Variants in MAGI1 observed in about 807,000 individuals in gnomAD.
MAGI1 encodes the protein membrane-associated guanylate kinase, WW and PDZ domain-containing protein 1.
In MAGI1, 58 loss-of-function variants were observed where a neutral mutation model predicts 139.9. The ratio of observed to expected loss-of-function variants is 0.41; its 90% CI spans 0.34 to 0.52. MAGI1 has a LOEUF of 0.52. MAGI1 is among the 20% of genes least tolerant of loss of function. The probability of loss-of-function intolerance (pLI) is 0.12; values close to 1 mark genes in which losing one functional copy is unlikely to be tolerated. For synonymous variants in MAGI1, 812 were observed against 737.9 expected (o/e 1.10, Z -1.63); for missense variants, 1,874 against 1,901.6 (o/e 0.99, Z 0.27).
intron 1 of MAGI1, among the ~76,000 whole-genome samples, chr3:65,729,307 A>G (rs1304316803): frequency 6.6e-6 from 1 of 152,228 alleles, no homozygotes; most frequent in Non-Finnish European, 1.5e-5. Context: ...AACAAACTAT[A>G]TTCATTTAAA....
At chr3:65,555,141 G>A (rs896032016) in intron 2 of MAGI1, among the ~76,000 whole-genome samples, 17 of 152,066 alleles carry the variant, frequency 1.1e-4, no homozygotes, top group South Asian at 2.1e-4. Flanking sequence ...AAATTATTTC[G>A]AAATTAAAAG....
chr3:65,530,818 TAC>T (rs2078668873), intron 2 of MAGI1, among the ~76,000 whole-genome samples: 1 of 59,618 alleles, frequency 1.7e-5, no homozygotes, highest in Non-Finnish European at 3.3e-5. Context: ...CACATATATA[TAC>T]ACGTATATAT....
chr3:65,655,337 G>C (rs1384843843), intron 1 of MAGI1, among the ~76,000 whole-genome samples: 1 of 151,972 alleles, frequency 6.6e-6, no homozygotes, highest in Non-Finnish European at 1.5e-5. Context: ...TAATTAAAAG[G>C]AAAAAAATCT....
intron 1 of MAGI1, among the ~76,000 whole-genome samples, chr3:65,810,847 C>T (rs1429380855): frequency 6.6e-6 from 1 of 152,216 alleles, no homozygotes; most frequent in Non-Finnish European, 1.5e-5. Flanking sequence ...TTTGTGGACA[C>T]ATTTAGCTCT....
intron 1 of MAGI1, among the ~76,000 whole-genome samples, chr3:65,704,038 TCA>T (rs2089792612): frequency 6.6e-6 from 1 of 152,112 alleles, no homozygotes; most frequent in Non-Finnish European, 1.5e-5. Context: ...TTTAAGGGTC[TCA>T]GTTAATGAAG....
At chr3:65,990,378 G>A (rs753348774) in intron 1 of MAGI1, among the ~76,000 whole-genome samples, 6 of 152,192 alleles carry the variant, frequency 3.9e-5, no homozygotes, top group Admixed American at 1.3e-4. Context: ...GTTCCCTAAC[G>A]GAAGATTTAC....
chr3:66,030,316 G>A (rs777014196), intron 1 of MAGI1, among the ~76,000 whole-genome samples: 9 of 152,140 alleles, frequency 5.9e-5, no homozygotes, highest in Admixed American at 2.6e-4. Context: ...TACATTTTCA[G>A]AGGTAACTGA....
intron 12 of MAGI1, among the ~76,000 whole-genome samples, chr3:65,406,993 C>T (rs1467228242): frequency 2.6e-5 from 4 of 152,062 alleles, no homozygotes; most frequent in Admixed American, 2.0e-4. Flanking sequence ...CTCTGTTATT[C>T]GAAAACCTAT....
intron 1 of MAGI1, among the ~76,000 whole-genome samples, chr3:65,931,733 G>A (rs17441629): frequency 0.058 from 8,800 of 152,162 alleles, 367 homozygotes; most frequent in Middle Eastern, 0.1. Flanking sequence ...TAAAAAAACA[G>A]TTCCGCTATT....
intron 2 of MAGI1, among the ~76,000 whole-genome samples, chr3:65,578,176 T>C (rs1410419336): frequency 6.6e-6 from 1 of 152,150 alleles, no homozygotes; most frequent in African/African-American, 2.4e-5. Flanking sequence ...ATGTATTCCT[T>C]TTGCTTTCCC....
intron 1 of MAGI1, among the ~76,000 whole-genome samples, chr3:65,755,714 A>C (rs2036514733): frequency 6.6e-6 from 1 of 152,220 alleles, no homozygotes; most frequent in African/African-American, 2.4e-5. Context: ...TAATGAAACT[A>C]ACTTACCCAC....
intron 5 of MAGI1, among the ~76,000 whole-genome samples, chr3:65,458,575 C>A (rs1476520452): frequency 6.6e-6 from 1 of 152,042 alleles, no homozygotes; most frequent in African/African-American, 2.4e-5. Flanking sequence ...TGTTGAGCAC[C>A]TTTTCACATA....
At chr3:65,908,029 C>G (rs572710941) in intron 1 of MAGI1, among the ~76,000 whole-genome samples, 1 of 152,070 alleles carries the variant, frequency 6.6e-6, no homozygotes, top group Non-Finnish European at 1.5e-5. Flanking sequence ...AAATACCACA[C>G]GAACACAACT....
At chr3:66,007,325 T>G (rs888656698) in intron 1 of MAGI1, among the ~76,000 whole-genome samples, 1 of 152,244 alleles carries the variant, frequency 6.6e-6, no homozygotes, top group South Asian at 2.1e-4. Context: ...AATGACACAC[T>G]GTCTCTTTTC....
chr3:65,434,712 A>G (rs967014471), intron 10 of MAGI1, among the ~76,000 whole-genome samples: 2 of 152,192 alleles, frequency 1.3e-5, no homozygotes, highest in Non-Finnish European at 2.9e-5. Context: ...GTTTATTGAA[A>G]TCACAGCTTG....
At chr3:65,946,909 T>C (rs1204309965) in intron 1 of MAGI1, among the ~76,000 whole-genome samples, 1 of 152,200 alleles carries the variant, frequency 6.6e-6, no homozygotes, top group Non-Finnish European at 1.5e-5. Flanking sequence ...AAGCACACTT[T>C]TGAACTAAAA....
At chr3:65,657,421 C>A (rs2085939033) in intron 1 of MAGI1, among the ~76,000 whole-genome samples, 1 of 140,624 alleles carries the variant, frequency 7.1e-6, no homozygotes. Flanking sequence ...ACAGTGAGAC[C>A]CCCATCTCTA....
At chr3:65,735,539 C>G (rs766129619) in intron 1 of MAGI1, among the ~76,000 whole-genome samples, 27 of 152,126 alleles carry the variant, frequency 1.8e-4, no homozygotes, top group Non-Finnish European at 3.5e-4. Context: ...AATCTGAAGC[C>G]TCCACAGATG....
chr3:65,373,327 C>T (rs987609577), intron 18 of MAGI1, among the ~76,000 whole-genome samples: 1 of 152,124 alleles, frequency 6.6e-6, no homozygotes, highest in African/African-American at 2.4e-5. Flanking sequence ...ACACATATGA[C>T]ATTTATTGTT....
Sources: allele counts gnomAD v4.1 joint callset (sites outside exome capture counted in the v4.1 genomes callset), GRCh38; gene constraint gnomAD v4.1.1; transcripts MANE v1.5; gene names NCBI Gene and HGNC (gene_info 2026-07-23, HGNC 2026-07-21).